The following ANKK1 variants were observed in gnomAD, a reference collection of about 807,000 sequenced individuals.
ANKK1 encodes ankyrin repeat and protein kinase domain-containing protein 1.
Under a neutral mutation model 37.6 loss-of-function variants are expected in ANKK1, and 37 were observed. That is an observed-to-expected ratio of 0.98 (90% CI 0.76 to 1.29). The LOEUF is 1.29. Ranked by LOEUF, ANKK1 falls within the 50% of genes most tolerant of loss-of-function variation. The pLI is 0.00. For missense variants in ANKK1, 1,019 were observed against 990.6 expected, an observed-to-expected ratio of 1.03 and a Z score of -0.39; for synonymous variants, 415 against 418.7, an observed-to-expected ratio of 0.99 and a Z score of 0.11.
chr11:113,395,242 G>A, intron 3 of ANKK1, 117 bp from the exon 4 acceptor site: 4 of 1,507,790 alleles, frequency 2.7e-6, no homozygotes, highest in Non-Finnish European at 3.6e-6. Flanking sequence ...GAGTACTTTG[G>A]CCGGTGAGGC....
chr11:113,391,779 G>C (rs114962468), intron 1 of ANKK1, among the ~76,000 whole-genome samples: 1,760 of 152,136 alleles, frequency 0.012, 30 homozygotes, highest in African/African-American at 0.041. Context: ...AGATTATAGA[G>C]GGAGAAGAGC....
At chr11:113,395,468 G>C in intron 4 of ANKK1, 60 bp downstream of exon 4, 2 of 1,571,278 alleles carry the variant, frequency 1.3e-6, no homozygotes, top group Non-Finnish European at 1.7e-6. Flanking sequence ...TGGGCTCCTG[G>C]AAGGGGCTGT....
chr11:113,391,737 T>A (rs1272388318), intron 1 of ANKK1, among the ~76,000 whole-genome samples: 3 of 151,944 alleles, frequency 2.0e-5, no homozygotes, highest in Non-Finnish European at 4.4e-5. Flanking sequence ...GTATTGAATA[T>A]CCAATTGGAG....
In ANKK1 at chr11:113,394,912, C is replaced by A; in HGVS notation, c.481-17C>A. ...AGGCTCTATCACGGCTTTATCTCTG[C>A]CCCTGCCTTCTCCCAGATTTCAGAC... On this transcript the variant is annotated splice_polypyrimidine_tract_variant and intron_variant, in intron 2 of 7. Transcript: ENST00000303941. 1 of 1,603,498 alleles carries A rather than the reference C, an allele frequency of 6.2e-7. No individual in the cohort carries two copies. Among genetic ancestry groups the A allele is most frequent in the Non-Finnish European group, 8.5e-7 (1 of 1,172,484 alleles).
intron 1 of ANKK1, among the ~76,000 whole-genome samples, chr11:113,389,453 C>T (rs749308307): frequency 1.3e-5 from 2 of 152,174 alleles, no homozygotes; most frequent in South Asian, 4.1e-4. Context: ...GTTCTACACC[C>T]TGGGATTAAC....
chr11:113,398,902 G>C (rs928026405), intron 7 of ANKK1, 62 bp from the exon 8 acceptor site: 15 of 1,436,878 alleles, frequency 1.0e-5, no homozygotes, highest in Non-Finnish European at 1.4e-5. Flanking sequence ...CAGGGGGATG[G>C]CCATGATGAC....
In ANKK1 at chr11:113,399,209, CT is replaced by C. The variant is rs1313912381; in HGVS notation, c.1244del (p.Leu415TrpfsTer99). ...QDQQPDLCAL[L>X]LAHGADANRV... ...CCAGCAACCCGACCTCTGTGCCCTG[CT>C]TTTGGCACATGGTGCTGATGCCAAC... is the stretch of plus-strand genomic sequence containing the variant. On this transcript the variant is annotated frameshift_variant, in exon 8 of 8. Coordinates refer to ENST00000303941, the MANE Select transcript of ANKK1 (RefSeq NM_178510.2). LOFTEE classifies it low-confidence loss of function (END_TRUNC). The C allele has an allele frequency of 6.2e-7, 1 of 1,604,456 alleles. No homozygotes were observed.
chr11:113,399,129 A>G lies in ANKK1; in HGVS notation c.1160A>G (p.Asp387Gly). ...QVRLLLAHEV[D>G]VDCQTASGYT... is the part of the protein sequence containing the mutation. ...AGGTTGCTGCTGGCCCACGAGGTAG[A>G]CGTGGACTGCCAGACGGCCTCTGGA... The change falls in exon 8 of 8, where the codon GAC (aspartate) becomes GGC (glycine). Residue 387 changes from aspartate (D) to glycine (G), a missense_variant. Asp to Gly is a moderately conservative substitution (Grantham distance 94). Coordinates refer to ENST00000303941, the MANE Select transcript of ANKK1 (RefSeq NM_178510.2). The G allele has an allele frequency of 3.1e-6, 5 of 1,594,556 alleles. No individual in the cohort carries two copies. Among genetic ancestry groups the G allele is most frequent in the Non-Finnish European group, 4.3e-6 (5 of 1,170,766 alleles).
chr11:113,394,634 G>A lies in ANKK1; in HGVS notation c.481-295G>A, dbSNP rs940589614. ...AACACCTACCACATCCTAACTACATGCCAGGCACTGTTTAAGTGCTTTTTG... is the reference window on the plus strand; with the variant it reads ...AACACCTACCACATCCTAACTACATACCAGGCACTGTTTAAGTGCTTTTTG... On this transcript the variant is annotated intron_variant, in intron 2 of 7. Transcript: ENST00000303941. 8 of 541,886 alleles carry A rather than the reference G, an allele frequency of 1.5e-5. No individual in the cohort carries two copies. In the African/African-American group the frequency reaches 1.5e-4, roughly 10 times the overall value. 33.6% of individuals were successfully genotyped at this position (541,886 alleles called of 1,614,324 possible).
At chr11:113,389,455 G>A (rs1950571816) in intron 1 of ANKK1, among the ~76,000 whole-genome samples, 1 of 152,176 alleles carries the variant, frequency 6.6e-6, no homozygotes, top group Non-Finnish European at 1.5e-5. Context: ...TCTACACCCT[G>A]GGATTAACGA....
intron 1 of ANKK1, among the ~76,000 whole-genome samples, chr11:113,389,269 G>A (rs1950570537): frequency 6.6e-6 from 1 of 152,120 alleles, no homozygotes; most frequent in African/African-American, 2.4e-5. Flanking sequence ...CCCAAGTTCT[G>A]GGAATTCCCT....
intron 1 of ANKK1, 76 bp downstream of exon 1, chr11:113,388,145 G>A (rs1950561012): frequency 7.0e-7 from 1 of 1,422,060 alleles, no homozygotes; most frequent in Non-Finnish European, 9.2e-7. Flanking sequence ...GGGAGCTTGC[G>A]AGGAAGGAGT....
chr11:113,394,835 G>T, intron 2 of ANKK1, 94 bp from the exon 3 acceptor site: 1 of 1,520,992 alleles, frequency 6.6e-7, no homozygotes, highest in South Asian at 1.2e-5. Flanking sequence ...CTCTACCCTG[G>T]AACAGGCAGA....
In ANKK1 at chr11:113,394,378, C is replaced by T. The variant is rs77145822; in HGVS notation, c.481-551C>T. On this transcript the variant is annotated intron_variant, in intron 2 of 7. Coordinates refer to ENST00000303941, the MANE Select transcript of ANKK1 (RefSeq NM_178510.2). ...GACCCCCTATTTGAATAAGTATTTA[C>T]GAGGATATGGAGTGTGTGTGTTGGC... Among the ~76,000 whole-genome samples the T allele has an allele frequency of 7.2e-3, 1,096 of 152,244 alleles. 11 individuals carry two copies. Among genetic ancestry groups the T allele is most frequent in the African/African-American group, 0.025 (1,037 of 41,530 alleles).
rs765090507 is a variant in ANKK1, at chr11:113,387,915, G to A, written c.31G>A (p.Gly11Ser). The A allele has an allele frequency of 2.6e-6, 4 of 1,564,006 alleles. No homozygotes were observed. Among genetic ancestry groups the A allele is most frequent in the Middle Eastern group, 1.7e-4 (1 of 5,840 alleles). The change falls in exon 1 of 8, where the codon GGC becomes AGC. Residue 11 changes from glycine to serine, a missense_variant. Physicochemically the swap from Gly to Ser is moderately conservative, Grantham distance 56. Coordinates refer to ENST00000303941, the MANE Select transcript of ANKK1 (RefSeq NM_178510.2). MAADPTELRL[G>S]SLPVFTRDDF... ...TGCCGACCCCACCGAGCTGCGGCTG[G>A]GCAGCCTCCCCGTCTTCACCCGCGA...
At chr11:113,393,973 C>T (rs546761740) in intron 2 of ANKK1, among the ~76,000 whole-genome samples, 198 bp downstream of exon 2, 6 of 152,282 alleles carry the variant, frequency 3.9e-5, no homozygotes, top group Non-Finnish European at 8.8e-5. Flanking sequence ...TATCAGGATG[C>T]CTATAATAAC....
chr11:113,398,037 C>T (rs373888683), intron 7 of ANKK1, 21 bp downstream of exon 7: 98 of 1,563,018 alleles, frequency 6.3e-5, no homozygotes, highest in Non-Finnish European at 8.0e-5. Context: ...GTGCCACGGG[C>T]GGGACCAGAG....
Position 113,399,472 on chromosome 11 carries a change from C to G in ANKK1, c.1503C>G (p.Ala501=). Residue 501 remains alanine (A), a synonymous_variant, in exon 8 of 8, where the codon GCC becomes GCG. Transcript: ENST00000303941. ...AGGGCAAGACCCCCCTCCATGTGGC[C>G]GCCTACTTTGGCCATGTTAGCCTGG... ...EAEGKTPLHV[A]AYFGHVSLVK... is the part of the protein sequence containing the mutation. 1 of 1,592,290 alleles carries G rather than the reference C, an allele frequency of 6.3e-7. No homozygotes were observed. Among genetic ancestry groups the G allele is most frequent in the Non-Finnish European group, 8.5e-7 (1 of 1,169,926 alleles).
At chr11:113,395,152 A>G (rs1950627337) in intron 3 of ANKK1, 72 bp downstream of exon 3, 1 of 1,533,458 alleles carries the variant, frequency 6.5e-7, no homozygotes, top group East Asian at 2.4e-5. Flanking sequence ...CCTGGCCTCT[A>G]TGGCCCAAAG....
Sources: allele counts gnomAD v4.1 joint callset (sites outside exome capture counted in the v4.1 genomes callset), GRCh38; gene constraint gnomAD v4.1.1; transcripts MANE v1.5; gene names NCBI Gene and HGNC (gene_info 2026-07-23, HGNC 2026-07-21).